The following BCL2 variants were observed in gnomAD, a reference collection of about 807,000 sequenced individuals.
BCL2 encodes apoptosis regulator Bcl-2.
A neutral mutation model predicts 14.2 loss-of-function variants in BCL2; 1 was observed. That is an observed-to-expected ratio of 0.07 (90% CI 0.02 to 0.33). The LOEUF (loss-of-function observed/expected upper bound fraction) is 0.33. Ranked by LOEUF, BCL2 falls within the 10% of genes least tolerant of loss-of-function variation. BCL2 has a pLI of 0.99. For missense variants in BCL2, 247 were observed against 305.9 expected (o/e 0.81, Z 1.44); for synonymous variants, 151 against 137.2 (o/e 1.10, Z -0.70).
intron 2 of BCL2, among the ~76,000 whole-genome samples, chr18:63,265,726 C>A (rs1911806192): frequency 6.6e-6 from 1 of 151,992 alleles, no homozygotes; most frequent in Admixed American, 6.6e-5. Flanking sequence ...AGATCACAGA[C>A]AAAGGATATA....
At chr18:63,160,863 G>A (rs1213378511) in intron 2 of BCL2, among the ~76,000 whole-genome samples, 3 of 152,066 alleles carry the variant, frequency 2.0e-5, no homozygotes, top group African/African-American at 7.2e-5. Flanking sequence ...TAGCCCTTCT[G>A]CTGGAGAGGG....
At chr18:63,178,690 G>A (rs541639596) in intron 2 of BCL2, among the ~76,000 whole-genome samples, 72 of 152,248 alleles carry the variant, frequency 4.7e-4, no homozygotes, top group African/African-American at 1.7e-3. Flanking sequence ...GGTCTCCCCA[G>A]CCTGGTGCCA....
At chr18:63,154,161 A>G (rs893491701) in intron 2 of BCL2, among the ~76,000 whole-genome samples, 1 of 152,138 alleles carries the variant, frequency 6.6e-6, no homozygotes, top group Admixed American at 6.5e-5. Context: ...TCCTAGCAGA[A>G]AAACCGGGGT....
chr18:63,167,172 T>C (rs1207134941), intron 2 of BCL2, among the ~76,000 whole-genome samples: 1 of 152,218 alleles, frequency 6.6e-6, no homozygotes, highest in African/African-American at 2.4e-5. Context: ...GTTGGCTGTC[T>C]CTTACAGTCA....
At chr18:63,246,565 G>GC (rs1180868665) in intron 2 of BCL2, among the ~76,000 whole-genome samples, 2 of 151,944 alleles carry the variant, frequency 1.3e-5, no homozygotes, top group African/African-American at 4.8e-5. Flanking sequence ...GGAAAGACCC[G>GC]CCCCCATGAT....
intron 2 of BCL2, among the ~76,000 whole-genome samples, chr18:63,166,371 G>A (rs915089253): frequency 3.3e-5 from 5 of 152,182 alleles, no homozygotes; most frequent in Admixed American, 2.0e-4. Context: ...GACCCTGGAC[G>A]GGGCAGGGAC....
intron 2 of BCL2, among the ~76,000 whole-genome samples, chr18:63,232,717 C>A (rs550997174): frequency 2.0e-5 from 3 of 152,190 alleles, no homozygotes; most frequent in African/African-American, 7.2e-5. Context: ...AATTTGGCAA[C>A]GCCTACCAAC....
intron 2 of BCL2, among the ~76,000 whole-genome samples, chr18:63,311,352 T>A (rs183029143): frequency 1.6e-4 from 24 of 152,314 alleles, no homozygotes; most frequent in African/African-American, 5.1e-4. Flanking sequence ...ATCCTTTGTT[T>A]GGTGCTTCAA....
intron 2 of BCL2, among the ~76,000 whole-genome samples, chr18:63,293,876 T>C (rs1429239896): frequency 6.6e-6 from 1 of 152,150 alleles, no homozygotes; most frequent in Non-Finnish European, 1.5e-5. Flanking sequence ...CTTTTATAGG[T>C]ACCTCTCATG....
At chr18:63,276,941 T>C (rs1411510794) in intron 2 of BCL2, among the ~76,000 whole-genome samples, 1 of 152,250 alleles carries the variant, frequency 6.6e-6, no homozygotes, top group South Asian at 2.1e-4. Flanking sequence ...AATTTCATCA[T>C]TGAAGAGTGA....
At position 63,169,377 on chromosome 18, in the gene BCL2, T is replaced by TTCTTTC. The variant is rs1599222113; in HGVS notation, c.586-40624_586-40619dup. ...TCTTTCTTTCTTTCTTTCTCTTTCTTTCTTTCTTTCTTTTTCTTTCTTTCT... is the reference window on the plus strand; with the variant it reads ...TCTTTCTTTCTTTCTTTCTCTTTCTTTCTTTCTCTTTCTTTCTTTTTCTTTCTTTCT... On this transcript the variant is annotated intron_variant, in intron 2 of 2. Transcript: ENST00000333681. 8.4e-5 allele frequency among the ~76,000 whole-genome samples: 10 copies of TTCTTTC among 119,600 alleles called. 1 individual carries two copies. The highest frequency in any genetic ancestry group is 6.0e-4 in the East Asian group (2 of 3,350). The allele number at this position is 119,600 out of a possible 152,430, so 78.5% of individuals were successfully genotyped here.
At chr18:63,133,046 T>G (rs1240522299) in intron 2 of BCL2, among the ~76,000 whole-genome samples, 1 of 152,154 alleles carries the variant, frequency 6.6e-6, no homozygotes, top group Non-Finnish European at 1.5e-5. Context: ...GGTGGCTCTG[T>G]CCACAGTGGC....
intron 2 of BCL2, among the ~76,000 whole-genome samples, chr18:63,266,987 G>C (rs1336032617): frequency 6.6e-6 from 1 of 152,222 alleles, no homozygotes; most frequent in African/African-American, 2.4e-5. Flanking sequence ...AGCTCAGTAG[G>C]AGTTAGGCAA....
At position 63,169,322 on chromosome 18, in the gene BCL2, T is replaced by TTC. The variant is rs1568222517; in HGVS notation, c.586-40564_586-40563insGA. Reference sequence around the variant, plus strand: ...TTTCTTTCTTTCTTCCTTCCTTCCTTCTTTCCTTTCCTTCCTTTCTTTCTT... The same window carrying TTC: ...TTTCTTTCTTTCTTCCTTCCTTCCTTTCCTTTCCTTTCCTTCCTTTCTTTCTT... On this transcript the variant is annotated intron_variant, in intron 2 of 2. Transcript: ENST00000333681. Among the ~76,000 whole-genome samples, 35 of 105,638 alleles carry TTC rather than the reference T, an allele frequency of 3.3e-4. 1 individual carries two copies. The highest frequency in any genetic ancestry group is 1.7e-3 in the African/African-American group (32 of 19,256). The allele number at this position is 105,638 out of a possible 152,430, so 69.3% of individuals were successfully genotyped here. A position where few individuals can be genotyped will look rare whatever the true frequency, so the allele number is the denominator to read the frequency against.
chr18:63,242,526 C>T (rs1911036747), intron 2 of BCL2, among the ~76,000 whole-genome samples: 1 of 152,146 alleles, frequency 6.6e-6, no homozygotes, highest in African/African-American at 2.4e-5. Flanking sequence ...TCACATATTG[C>T]TTTATTTGCA....
At chr18:63,208,070 T>C (rs775902723) in intron 2 of BCL2, 2 of 152,236 alleles carry the variant, frequency 1.3e-5, no homozygotes, top group Non-Finnish European at 2.9e-5. Context: ...TCTTCTTCTC[T>C]GATAGATTTT....
intron 2 of BCL2, among the ~76,000 whole-genome samples, chr18:63,283,861 TC>T (rs1384093086): frequency 1.3e-5 from 2 of 152,180 alleles, no homozygotes; most frequent in African/African-American, 4.8e-5. Context: ...ACTCAACTGC[TC>T]CCCGAGGATT....
At chr18:63,275,881 A>G (rs1160308177) in intron 2 of BCL2, among the ~76,000 whole-genome samples, 1 of 152,248 alleles carries the variant, frequency 6.6e-6, no homozygotes, top group African/African-American at 2.4e-5. Context: ...TAACTTACTA[A>G]TTTCTTCTAA....
rs1283900547 is a variant in BCL2 at position 63,125,037 on chromosome 18, C to T, written c.*3588G>A. On this transcript the variant is annotated 3_prime_UTR_variant, in exon 3 of 3. Transcript: ENST00000333681. ...TTGCAATTCTGTTCACTCAATAGAT[C>T]CTGGAGGTGAAAGCTAGACATGTGT... is the stretch of plus-strand genomic sequence containing the variant. 1 of 221,750 alleles carries T rather than the reference C, an allele frequency of 4.5e-6. No individual in the cohort carries two copies. The highest frequency in any genetic ancestry group is 9.0e-6 in the Non-Finnish European group (1 of 110,928). The allele number at this position is 221,750 out of a possible 1,614,324, so 13.7% of individuals were successfully genotyped here.
Sources: gnomAD v4.1 joint callset for allele counts (sites outside exome capture counted in the v4.1 genomes callset) on GRCh38, gnomAD v4.1.1 for gene constraint, MANE v1.5 for transcripts, NCBI Gene and HGNC (gene_info 2026-07-23, HGNC 2026-07-21) for gene names.